Variants in TNNI3K observed in about 807,000 individuals in gnomAD.
TNNI3K encodes the protein serine/threonine-protein kinase TNNI3K.
A neutral mutation model predicts 114.5 loss-of-function variants in TNNI3K; 140 were observed. The observed-to-expected ratio is 1.22, with a 90% CI of 1.07 to 1.41. TNNI3K has a LOEUF of 1.41. Ranked by LOEUF, TNNI3K falls within the 40% of genes most tolerant of loss-of-function variation. TNNI3K has a pLI of 0.00. For missense variants in TNNI3K, 1,125 were observed against 1,007.6 expected (o/e 1.12, Z -1.58); for synonymous variants, 347 against 347.5 (o/e 1.00, Z 0.02).
intron 17 of TNNI3K, chr1:74,372,183 C>A (rs1319710626): frequency 1.3e-5 from 2 of 149,942 alleles, no homozygotes; most frequent in African/African-American, 4.9e-5. Context: ...GTACCTTGTT[C>A]TTTAATCAAA....
intron 4 of TNNI3K, among the ~76,000 whole-genome samples, chr1:74,251,830 TAA>T (rs1424211938): frequency 6.6e-6 from 1 of 152,196 alleles, no homozygotes; most frequent in Non-Finnish European, 1.5e-5. Context: ...GCAAATACTC[TAA>T]AGTTTCATCT....
intron 20 of TNNI3K, among the ~76,000 whole-genome samples, chr1:74,449,555 G>A (rs1557573414): frequency 6.6e-6 from 1 of 151,888 alleles, no homozygotes. Context: ...AAAGGATGGA[G>A]GAAGATCTAC....
At chr1:74,385,740 T>C (rs574479864) in intron 17 of TNNI3K, among the ~76,000 whole-genome samples, 5 of 152,336 alleles carry the variant, frequency 3.3e-5, no homozygotes, top group South Asian at 2.1e-4. Flanking sequence ...GGAATGAAGA[T>C]GAGAGAGTGC....
intron 23 of TNNI3K, among the ~76,000 whole-genome samples, chr1:74,517,195 A>T (rs1646361990): frequency 6.6e-6 from 1 of 151,908 alleles, no homozygotes; most frequent in African/African-American, 2.4e-5. Context: ...TAACTCTTTA[A>T]AAAAAAAGGT....
chr1:74,493,728 GA>G (rs1473769485), intron 23 of TNNI3K, among the ~76,000 whole-genome samples: 1 of 152,104 alleles, frequency 6.6e-6, no homozygotes, highest in African/African-American at 2.4e-5. Context: ...CACCCACATA[GA>G]AAAATGTACT....
At chr1:74,484,985 T>C (rs1440434374) in intron 21 of TNNI3K, among the ~76,000 whole-genome samples, 1 of 151,948 alleles carries the variant, frequency 6.6e-6, no homozygotes, top group Non-Finnish European at 1.5e-5. Context: ...GTAAGCATAT[T>C]CCAGATGATT....
intron 23 of TNNI3K, among the ~76,000 whole-genome samples, chr1:74,537,067 T>C (rs527369873): frequency 6.6e-6 from 1 of 152,314 alleles, no homozygotes; most frequent in South Asian, 2.1e-4. Context: ...AGCCAGCCTA[T>C]GTGGTATCTC....
intron 5 of TNNI3K, among the ~76,000 whole-genome samples, chr1:74,291,006 A>G (rs1657645028): frequency 6.6e-6 from 1 of 151,788 alleles, no homozygotes; most frequent in East Asian, 1.9e-4. Flanking sequence ...ATGCACACAC[A>G]TAAAGAGAGA....
chr1:74,369,143 G>A (rs372152235), intron 14 of TNNI3K, 29 bp downstream of exon 14: 10 of 1,597,246 alleles, frequency 6.3e-6, no homozygotes, highest in Non-Finnish European at 8.5e-6. Flanking sequence ...ATAAATAAAG[G>A]TCCGGTTTAG....
At position 74,416,777 on chromosome 1, in the gene TNNI3K, G is replaced by A. The variant is rs74667376; in HGVS notation, c.1773-19303G>A. ...CTTTTAGAAAAATGTTTGACTGGTA[G>A]TAATGTTATCTGGAATTCTTTTATA... On this transcript the variant is annotated intron_variant, in intron 17 of 24. Coordinates refer to ENST00000326637, the MANE Select transcript of TNNI3K (RefSeq NM_015978.3). Among the ~76,000 whole-genome samples, 1,067 of 152,116 alleles carry A rather than the reference G, an allele frequency of 7.0e-3. 10 individuals carry two copies. The highest frequency in any genetic ancestry group is 0.025 in the African/African-American group (1,029 of 41,516).
intron 17 of TNNI3K, among the ~76,000 whole-genome samples, chr1:74,407,326 C>T (rs1170398022): frequency 6.6e-6 from 1 of 152,042 alleles, no homozygotes; most frequent in Non-Finnish European, 1.5e-5. Context: ...GGTTGTTTTG[C>T]TACTCTGCCA....
At chr1:74,371,420 T>C (rs574292836) in intron 17 of TNNI3K, 1 of 151,924 alleles carries the variant, frequency 6.6e-6, no homozygotes, top group East Asian at 1.9e-4. Context: ...TAATAAGTTA[T>C]ATACAAGATT....
chr1:74,447,369 T>G (rs1666750115), intron 20 of TNNI3K, among the ~76,000 whole-genome samples: 1 of 149,880 alleles, frequency 6.7e-6, no homozygotes, highest in East Asian at 1.9e-4. Context: ...TAAGAATGCT[T>G]GTGATTTTTC....
chr1:74,270,434 G>A (rs1375968105), intron 4 of TNNI3K, among the ~76,000 whole-genome samples: 1 of 151,502 alleles, frequency 6.6e-6, no homozygotes, highest in East Asian at 1.9e-4. Flanking sequence ...AGCATATAGA[G>A]CCAATGAAAG....
At chr1:74,238,587 A>C (rs886691431) in intron 2 of TNNI3K, among the ~76,000 whole-genome samples, 2 of 152,082 alleles carry the variant, frequency 1.3e-5, no homozygotes, top group African/African-American at 4.8e-5. Flanking sequence ...AAGTATTAGC[A>C]CAATTTAGGA....
At chr1:74,491,997 A>G in intron 22 of TNNI3K, 100 bp from the exon 23 acceptor site, 1 of 1,369,332 alleles carries the variant, frequency 7.3e-7, no homozygotes, top group Non-Finnish European at 9.6e-7. Flanking sequence ...AAATTAAAAT[A>G]TGGGAAACCT....
At chr1:74,274,490 A>G (rs1027706354) in intron 5 of TNNI3K, among the ~76,000 whole-genome samples, 5 of 152,082 alleles carry the variant, frequency 3.3e-5, no homozygotes, top group African/African-American at 7.2e-5. Context: ...TACTTTGTCT[A>G]TAAATGGTTA....
intron 17 of TNNI3K, among the ~76,000 whole-genome samples, chr1:74,390,965 G>GAAAAA (rs10672464): frequency 5.1e-4 from 67 of 131,730 alleles, no homozygotes; most frequent in African/African-American, 1.2e-3. Context: ...ATTTTTTTCC[G>GAAAAA]AAAAAAAAAA....
intron 5 of TNNI3K, among the ~76,000 whole-genome samples, chr1:74,290,183 T>C (rs572904244): frequency 1.4e-4 from 21 of 147,674 alleles, no homozygotes; most frequent in Middle Eastern, 3.4e-3. Context: ...ATTAATTCTT[T>C]GCTTAATGTA....
Sources: allele counts gnomAD v4.1 joint callset (sites outside exome capture counted in the v4.1 genomes callset), GRCh38; gene constraint gnomAD v4.1.1; transcripts MANE v1.5; gene names NCBI Gene and HGNC (gene_info 2026-07-23, HGNC 2026-07-21).